Variants in NOL4L observed in about 807,000 individuals in gnomAD.
The protein encoded by NOL4L is nucleolar protein 4 like, also known as nucleolar protein 4-like.
In NOL4L, 7 loss-of-function variants were observed where a neutral mutation model predicts 64.5. That is an observed-to-expected ratio of 0.11 (90% CI 0.06 to 0.20). The LOEUF (loss-of-function observed/expected upper bound fraction) is 0.20. Among genes scored for constraint, NOL4L ranks in the 10% least tolerant of loss-of-function variants. The pLI, the probability that NOL4L is intolerant of heterozygous loss-of-function variation, is 1.00. For missense variants in NOL4L, 680 were observed against 967.1 expected (o/e 0.70, Z 3.94); for synonymous variants, 413 against 401.0 (o/e 1.03, Z -0.36).
chr20:32,520,760 C>A, intron 3 of NOL4L, 51 bp downstream of exon 3: 1 of 1,161,320 alleles, frequency 8.6e-7, no homozygotes, highest in Admixed American at 2.2e-5. Flanking sequence ...CAGGGACAGT[C>A]CACTCTTAGA....
intron 1 of NOL4L, among the ~76,000 whole-genome samples, chr20:32,567,906 CCATCATTACCACCACCAT>C (rs1168834950): frequency 1.3e-5 from 2 of 150,710 alleles, no homozygotes; most frequent in African/African-American, 5.0e-5. Flanking sequence ...ATCTTCATCA[CCATCATTACCACCACCAT>C]CATCATCATC....
At chr20:32,483,566 G>T in intron 4 of NOL4L, 1 of 969,368 alleles carries the variant, frequency 1.0e-6, no homozygotes, top group East Asian at 1.3e-4. Context: ...AGCAGCGGCG[G>T]CAGCGGCGGC....
intron 4 of NOL4L, among the ~76,000 whole-genome samples, chr20:32,478,967 C>T (rs945864930): frequency 6.6e-6 from 1 of 152,190 alleles, no homozygotes; most frequent in African/African-American, 2.4e-5. Flanking sequence ...AAGTTTTGGT[C>T]AGACTTACAC....
chr20:32,560,008 C>T (rs545610583), intron 1 of NOL4L, among the ~76,000 whole-genome samples: 2 of 152,256 alleles, frequency 1.3e-5, no homozygotes, highest in African/African-American at 2.4e-5. Flanking sequence ...CCCTGGCACT[C>T]GGGCTGCCTT....
intron 4 of NOL4L, among the ~76,000 whole-genome samples, chr20:32,477,620 T>A (rs1301732660): frequency 6.6e-6 from 1 of 152,272 alleles, no homozygotes; most frequent in Non-Finnish European, 1.5e-5. Flanking sequence ...GGACGCTCCA[T>A]TAATTTGACA....
At chr20:32,541,028 C>CACACAT (rs1264232648) in intron 1 of NOL4L, among the ~76,000 whole-genome samples, 1 of 151,398 alleles carries the variant, frequency 6.6e-6, no homozygotes, top group Non-Finnish European at 1.5e-5. Context: ...CACACACACA[C>CACACAT]ACACACACAC....
At chr20:32,492,657 T>G (rs552152486) in intron 4 of NOL4L, among the ~76,000 whole-genome samples, 18 of 152,380 alleles carry the variant, frequency 1.2e-4, no homozygotes, top group Non-Finnish European at 2.4e-4. Flanking sequence ...AGTCGATTAC[T>G]GCAACCCACT....
intron 4 of NOL4L, 22 bp downstream of exon 4, chr20:32,511,325 T>C (rs1347870746): frequency 6.7e-7 from 1 of 1,487,796 alleles, no homozygotes; most frequent in South Asian, 1.2e-5. Context: ...CCAGGTGGGG[T>C]GAGGGGAGAC....
At chr20:32,489,279 A>G (rs1026662526) in intron 4 of NOL4L, among the ~76,000 whole-genome samples, 6 of 151,892 alleles carry the variant, frequency 4.0e-5, no homozygotes, top group African/African-American at 1.5e-4. Context: ...ATTTATCTCA[A>G]TATAAGTAAT....
At chr20:32,472,480 G>A (rs768416792) in intron 5 of NOL4L, among the ~76,000 whole-genome samples, 4 of 152,178 alleles carry the variant, frequency 2.6e-5, no homozygotes, top group Non-Finnish European at 5.9e-5. Flanking sequence ...CTAGTCCTGC[G>A]TCAATAACAG....
chr20:32,551,281 C>A (rs1033441098), intron 1 of NOL4L, among the ~76,000 whole-genome samples: 1 of 151,868 alleles, frequency 6.6e-6, no homozygotes, highest in African/African-American at 2.4e-5. Flanking sequence ...GAGGCCAAGG[C>A]TGGAGAATCA....
intron 1 of NOL4L, among the ~76,000 whole-genome samples, chr20:32,574,363 C>T (rs532170655): frequency 5.9e-5 from 9 of 152,184 alleles, no homozygotes; most frequent in African/African-American, 1.7e-4. Context: ...ATTTTACAGA[C>T]GAAGAAACTG....
At chr20:32,578,080 C>T (rs1980224976) in intron 1 of NOL4L, among the ~76,000 whole-genome samples, 1 of 133,720 alleles carries the variant, frequency 7.5e-6, no homozygotes, top group Admixed American at 8.6e-5. Flanking sequence ...TTGCAGTAAG[C>T]CAATATTGCG....
chr20:32,518,530 C>A (rs1466963832), intron 3 of NOL4L, among the ~76,000 whole-genome samples: 5 of 152,234 alleles, frequency 3.3e-5, no homozygotes, highest in Admixed American at 1.3e-4. Context: ...GAATGCCCTC[C>A]ATACTGCCGT....
At chr20:32,547,186 T>A (rs2018744307) in intron 1 of NOL4L, among the ~76,000 whole-genome samples, 1 of 152,294 alleles carries the variant, frequency 6.6e-6, no homozygotes, top group Non-Finnish European at 1.5e-5. Flanking sequence ...AACTCTCTTT[T>A]ATGGGGGAGA....
chr20:32,479,886 GA>G (rs2015614995), intron 4 of NOL4L, among the ~76,000 whole-genome samples: 2 of 152,352 alleles, frequency 1.3e-5, no homozygotes, highest in South Asian at 4.1e-4. Flanking sequence ...GAGAGGAGCT[GA>G]CCAGACTCTC....
At chr20:32,470,942 C>A (rs943381540) in intron 5 of NOL4L, among the ~76,000 whole-genome samples, 1 of 152,228 alleles carries the variant, frequency 6.6e-6, no homozygotes, top group Non-Finnish European at 1.5e-5. Flanking sequence ...TAAGTTTCCT[C>A]CCCATGAGAT....
chr20:32,519,758 T>A (rs931760850), intron 3 of NOL4L: 5 of 152,364 alleles, frequency 3.3e-5, no homozygotes, highest in African/African-American at 1.2e-4. Flanking sequence ...CTGGAGGGCA[T>A]GGACGTCAGT....
chr20:32,516,173 G>A (rs1209730156), intron 3 of NOL4L, among the ~76,000 whole-genome samples: 1 of 152,150 alleles, frequency 6.6e-6, no homozygotes, highest in East Asian at 1.9e-4. Context: ...GGGCGTCGAA[G>A]GATGTGTGCA....
Sources: gnomAD v4.1 joint callset for allele counts (sites outside exome capture counted in the v4.1 genomes callset) on GRCh38, gnomAD v4.1.1 for gene constraint, MANE v1.5 for transcripts, NCBI Gene and HGNC (gene_info 2026-07-23, HGNC 2026-07-21) for gene names.